MORC1: variants seen among roughly 807,000 people sequenced by gnomAD.
The protein encoded by MORC1 is MORC family CW-type zinc finger 1, also known as MORC family CW-type zinc finger protein 1.
MORC1 carries 59 observed loss-of-function variants against 134.9 expected under a neutral mutation model. The ratio of observed to expected loss-of-function variants is 0.44; its 90% CI spans 0.35 to 0.54. MORC1 has a LOEUF of 0.54. MORC1 is among the 20% of genes least tolerant of loss of function. The probability of loss-of-function intolerance (pLI) is 0.00; values close to 1 mark genes in which losing one functional copy is unlikely to be tolerated. For missense variants in MORC1, 947 were observed against 1,134.5 expected, an observed-to-expected ratio of 0.83 and a Z score of 2.37; for synonymous variants, 395 against 391.7, an observed-to-expected ratio of 1.01 and a Z score of -0.10.
chr3:108,987,041 G>A (rs890031924), intron 21 of MORC1, 92 bp from the exon 22 acceptor site: 2 of 895,922 alleles, frequency 2.2e-6, no homozygotes, highest in African/African-American at 3.4e-5. Flanking sequence ...GTCCCCAGCA[G>A]AAAAGAAATC....
chr3:109,059,882 C>G lies in MORC1; in HGVS notation c.967-12G>C. On this transcript the variant is annotated splice_polypyrimidine_tract_variant and intron_variant, in intron 11 of 27. Coordinates refer to ENST00000232603, the MANE Select transcript of MORC1 (RefSeq NM_014429.4). ...CTCTGTAATACATCCTGGAGAAATGCATTGGTTGGGAGAGAACATAATGCC... is the reference window on the plus strand; with the variant it reads ...CTCTGTAATACATCCTGGAGAAATGGATTGGTTGGGAGAGAACATAATGCC... 1 of 1,608,476 alleles carries G rather than the reference C, an allele frequency of 6.2e-7. No individual in the cohort carries two copies. Among genetic ancestry groups the G allele is most frequent in the Non-Finnish European group, 8.5e-7 (1 of 1,177,114 alleles).
chr3:109,045,832 C>A (rs1949683072), intron 14 of MORC1, among the ~76,000 whole-genome samples: 1 of 152,110 alleles, frequency 6.6e-6, no homozygotes, highest in Non-Finnish European at 1.5e-5. Context: ...CGCTCCCCTG[C>A]AAAACTCCAG....
intron 8 of MORC1, among the ~76,000 whole-genome samples, chr3:109,072,086 G>A (rs553615998): frequency 2.0e-5 from 3 of 152,216 alleles, no homozygotes; most frequent in South Asian, 2.1e-4. Flanking sequence ...TAAAAAGAAG[G>A]CAAAGAGGGC....
rs1394026955 is a variant in MORC1 at position 108,975,708 on chromosome 3, A to C, written c.2477+3807T>G. 3.3e-5 allele frequency among the ~76,000 whole-genome samples: 5 copies of C among 152,328 alleles called. No homozygotes were observed. In the South Asian group the frequency reaches 6.2e-4, roughly 19 times the overall value. ...AAGATGACTGAGCTATCATATGCAA[A>C]GCCCTTAGGACTGTGCCTAGCATAT... is the stretch of plus-strand genomic sequence containing the variant. On this transcript the variant is annotated intron_variant, in intron 24 of 27. Coordinates refer to ENST00000232603, the MANE Select transcript of MORC1 (RefSeq NM_014429.4).
rs926440872 is a variant in MORC1, at chr3:108,976,311, CT to C, written c.2477+3203del. Among the ~76,000 whole-genome samples, 5 of 152,264 alleles carry C rather than the reference CT, an allele frequency of 3.3e-5. 1 individual carries two copies. In the East Asian group the frequency reaches 9.6e-4, roughly 29 times the overall value. On this transcript the variant is annotated intron_variant, in intron 24 of 27. Coordinates refer to ENST00000232603, the MANE Select transcript of MORC1 (RefSeq NM_014429.4). ...ACTTCAAAGGTCTCTAACTACTACTCTTTTTTATCATGTGACAAGAAAGGTA... is the reference window on the plus strand; with the variant it reads ...ACTTCAAAGGTCTCTAACTACTACTCTTTTTATCATGTGACAAGAAAGGTA...
chr3:109,003,721 C>G (rs1322496139), intron 20 of MORC1, among the ~76,000 whole-genome samples: 3 of 152,072 alleles, frequency 2.0e-5, no homozygotes, highest in Admixed American at 6.6e-5. Context: ...TTCAAATCAA[C>G]AAAAAACCTG....
At chr3:109,043,195 G>GGGA (rs1553754190) in intron 14 of MORC1, among the ~76,000 whole-genome samples, 4 of 100,798 alleles carry the variant, frequency 4.0e-5, no homozygotes, top group South Asian at 3.7e-4. Context: ...ATGTGGGGGG[G>GGGA]GGGGGGTGTG....
chr3:109,094,217 T>C (rs1375040099), intron 7 of MORC1, among the ~76,000 whole-genome samples: 17 of 152,174 alleles, frequency 1.1e-4, no homozygotes, highest in Non-Finnish European at 1.5e-5. Flanking sequence ...CTCCAAGGCA[T>C]GATTAACAAA....
intron 23 of MORC1, among the ~76,000 whole-genome samples, chr3:108,980,685 G>GA (rs1186135625): frequency 1.9e-4 from 29 of 152,210 alleles, no homozygotes; most frequent in East Asian, 1.2e-3. Flanking sequence ...AATATTACCA[G>GA]AAAAAATCAC....
At chr3:109,020,332 C>T (rs1244670942) in intron 17 of MORC1, among the ~76,000 whole-genome samples, 2 of 152,144 alleles carry the variant, frequency 1.3e-5, no homozygotes, top group African/African-American at 2.4e-5. Flanking sequence ...CATGGACTAA[C>T]GTCAGTTAGT....
At chr3:109,108,739 T>C (rs536914978) in intron 3 of MORC1, among the ~76,000 whole-genome samples, 1 of 151,514 alleles carries the variant, frequency 6.6e-6, no homozygotes, top group South Asian at 2.1e-4. Context: ...CTACTAAAAA[T>C]ACAAAAAAAA....
chr3:109,100,360 T>C, intron 5 of MORC1, 57 bp downstream of exon 5: 1 of 1,322,478 alleles, frequency 7.6e-7, no homozygotes, highest in Non-Finnish European at 1.1e-6. Context: ...TAAATTGCTT[T>C]ATAAACAGTG....
intron 17 of MORC1, among the ~76,000 whole-genome samples, chr3:109,023,289 G>A (rs751373290): frequency 9.9e-5 from 15 of 152,196 alleles, no homozygotes; most frequent in Non-Finnish European, 1.9e-4. Context: ...TGAAAGAAAC[G>A]AATGCTATTA....
At chr3:109,079,782 C>A (rs1950490668) in intron 8 of MORC1, among the ~76,000 whole-genome samples, 1 of 151,874 alleles carries the variant, frequency 6.6e-6, no homozygotes, top group Admixed American at 6.6e-5. Context: ...AGTAAGTGGT[C>A]AGATATAAAA....
At chr3:109,078,940 TC>T (rs1240454346) in intron 8 of MORC1, among the ~76,000 whole-genome samples, 1 of 151,742 alleles carries the variant, frequency 6.6e-6, no homozygotes, top group Non-Finnish European at 1.5e-5. Context: ...GCCCCAAAAT[TC>T]CAAAATCTGA....
At chr3:109,030,980 C>G (rs768396562) in intron 16 of MORC1, among the ~76,000 whole-genome samples, 3 of 152,072 alleles carry the variant, frequency 2.0e-5, no homozygotes, top group South Asian at 2.1e-4. Context: ...TGTACTCATA[C>G]AAATTAAAAA....
intron 14 of MORC1, among the ~76,000 whole-genome samples, chr3:109,045,672 G>T (rs1038714029): frequency 6.6e-6 from 1 of 152,200 alleles, no homozygotes; most frequent in Non-Finnish European, 1.5e-5. Flanking sequence ...TGGTGAAGAT[G>T]CTACAGTCCT....
rs148536401 is a variant in MORC1, at chr3:109,093,557, A to G, written c.584-16T>C. ...AGCAAAGTACCTGGTAGAAAAATAG[A>G]TGTTTGACTTGTCAGTATTTTAAAT... On this transcript the variant is annotated splice_polypyrimidine_tract_variant and intron_variant, in intron 7 of 27. Transcript: ENST00000232603. The G allele has an allele frequency of 0.013, 20,199 of 1,537,288 alleles. 176 individuals are homozygous for G. Among genetic ancestry groups the G allele is most frequent in the Non-Finnish European group, 0.016 (17,752 of 1,110,772 alleles).
At chr3:109,018,115 T>C (rs1948860481) in intron 17 of MORC1, among the ~76,000 whole-genome samples, 1 of 150,552 alleles carries the variant, frequency 6.6e-6, no homozygotes, top group African/African-American at 2.4e-5. Context: ...TATAAAATTG[T>C]GACATTGTTT....
Sources: allele counts gnomAD v4.1 joint callset (sites outside exome capture counted in the v4.1 genomes callset), GRCh38; gene constraint gnomAD v4.1.1; transcripts MANE v1.5; gene names NCBI Gene and HGNC (gene_info 2026-07-23, HGNC 2026-07-21).